SLC6A3: variants seen among roughly 807,000 people sequenced by gnomAD.
SLC6A3 encodes solute carrier family 6 member 3.
SLC6A3 carries 19 observed loss-of-function variants against 70.4 expected under a neutral mutation model. The observed-to-expected ratio is 0.27, with a 90% CI of 0.19 to 0.40. The LOEUF is 0.40. SLC6A3 is among the 10% of genes least tolerant of loss of function. SLC6A3 has a pLI of 1.00. For missense variants in SLC6A3, 613 were observed against 838.5 expected, an observed-to-expected ratio of 0.73 and a Z score of 3.32; for synonymous variants, 368 against 356.6, an observed-to-expected ratio of 1.03 and a Z score of -0.36.
chr5:1,428,897 A>G (rs1370839862), intron 4 of SLC6A3, among the ~76,000 whole-genome samples: 3 of 152,012 alleles, frequency 2.0e-5, no homozygotes, highest in Admixed American at 2.0e-4. Flanking sequence ...TTTCAGATCT[A>G]CTCTTGCTAA....
intron 6 of SLC6A3, 62 bp downstream of exon 6, chr5:1,420,507 A>G: frequency 6.2e-7 from 1 of 1,603,302 alleles, no homozygotes; most frequent in Non-Finnish European, 8.5e-7. Context: ...GGCAATGCAT[A>G]TGGAAACCTG....
At chr5:1,439,831 C>T (rs1292429731) in intron 3 of SLC6A3, among the ~76,000 whole-genome samples, 1 of 152,252 alleles carries the variant, frequency 6.6e-6, no homozygotes, top group African/African-American at 2.4e-5. Context: ...CAAGTGTGAC[C>T]TGCGTGCAGG....
intron 14 of SLC6A3, among the ~76,000 whole-genome samples, chr5:1,399,975 A>C (rs1755806975): frequency 6.6e-6 from 1 of 152,254 alleles, no homozygotes; most frequent in Non-Finnish European, 1.5e-5. Context: ...GCATGAGCTC[A>C]TGAGACCCCT....
intron 4 of SLC6A3, among the ~76,000 whole-genome samples, chr5:1,430,753 G>A (rs959435626): frequency 1.9e-4 from 29 of 152,184 alleles, no homozygotes; most frequent in Admixed American, 9.8e-4. Flanking sequence ...CAAAGTTCTC[G>A]GGGATGATCC....
Position 1,414,778 on chromosome 5 carries a change from TC to T in SLC6A3, c.1068del (p.Ser357AlafsTer33). On this transcript the variant is annotated frameshift_variant, in exon 8 of 15. Coordinates refer to ENST00000270349, the MANE Select transcript of SLC6A3 (RefSeq NM_001044.5). LOFTEE classifies it high-confidence loss of function. The stretch of plus-strand genomic sequence containing the variant: ...AAGACGACGAAGCCGGAGGAGAAGC[TC>T]GTCAGGGAGTTGATGGAGGTGGTGA... ...AIVTTSINSL[T>X]SFSSGFVVFS... 6.2e-7 allele frequency: 1 copy of T among 1,612,854 alleles called. No individual in the cohort carries two copies. The highest frequency in any genetic ancestry group is 8.5e-7 in the Non-Finnish European group (1 of 1,179,860).
chr5:1,423,247 G>T (rs1327045165), intron 4 of SLC6A3, among the ~76,000 whole-genome samples: 1 of 126,120 alleles, frequency 7.9e-6, no homozygotes, highest in Non-Finnish European at 1.7e-5. Context: ...TGCCCATGGT[G>T]CTGGGTACCC....
In SLC6A3 at chr5:1,409,747, G is replaced by A. The variant is rs1419772849; in HGVS notation, c.1372C>T (p.Leu458Phe). The change falls in exon 10 of 15, where the codon CTC becomes TTC. Residue 458 changes from leucine (L) to phenylalanine (F), a missense_variant. Physicochemically the swap from Leu to Phe is conservative, Grantham distance 22. Coordinates refer to ENST00000270349, the MANE Select transcript of SLC6A3 (RefSeq NM_001044.5). ...FTLFIVLATF[L>F]LSLFCVTNGG... is the part of the protein sequence containing the mutation. ...TTGGTGACGCAGAACAGGGACAGGA[G>A]GAAGGTCGCCAGGACGATGAAGAGC... 6.2e-7 allele frequency: 1 copy of A among 1,613,460 alleles called. No individual in the cohort carries two copies. The highest frequency in any genetic ancestry group is 1.3e-5 in the African/African-American group (1 of 75,072).
intron 2 of SLC6A3, 132 bp from the exon 3 acceptor site, chr5:1,441,622 A>T (rs1366936761): frequency 9.5e-7 from 1 of 1,056,010 alleles, no homozygotes; most frequent in Non-Finnish European, 1.4e-6. Flanking sequence ...TCCAACGGGA[A>T]GTCCCAGGCT....
rs1312457471 is a variant in SLC6A3, at chr5:1,401,351, C to T, written c.1768-365G>A. ...GGCTCTGAGTAAGAAAGTGCCCACA[C>T]CCAGGTGGGCTGCCTCGGGGCCACC... On this transcript the variant is annotated intron_variant, in intron 13 of 14. Coordinates refer to ENST00000270349, the MANE Select transcript of SLC6A3 (RefSeq NM_001044.5). This position sits in a 1 kb window ranked among gnomAD's most constrained non-coding sequence, Gnocchi z 6.1. 6.1e-6 allele frequency: 3 copies of T among 492,864 alleles called. No homozygotes were observed. Among genetic ancestry groups the T allele is most frequent in the Non-Finnish European group, 1.2e-5 (3 of 253,674 alleles). The allele number at this position is 492,864 out of a possible 1,614,324, so 30.5% of individuals were successfully genotyped here.
At chr5:1,412,675 G>A (rs900887163) in intron 8 of SLC6A3, among the ~76,000 whole-genome samples, 3 of 152,218 alleles carry the variant, frequency 2.0e-5, no homozygotes, top group Admixed American at 2.0e-4. Context: ...TCCACTGGCT[G>A]GCACCATCTC....
intron 7 of SLC6A3, 105 bp from the exon 8 acceptor site, chr5:1,414,920 G>A (rs1756246608): frequency 6.9e-7 from 1 of 1,450,198 alleles, no homozygotes; most frequent in Non-Finnish European, 9.6e-7. Context: ...GGGGCGGGAG[G>A]TCTTCGGAGG....
intron 3 of SLC6A3, among the ~76,000 whole-genome samples, chr5:1,440,254 T>C (rs1472318144): frequency 6.6e-6 from 1 of 151,938 alleles, no homozygotes; most frequent in East Asian, 1.9e-4. Flanking sequence ...GATGGATGGA[T>C]GGATAGATCC....
chr5:1,421,639 C>A lies in SLC6A3; in HGVS notation c.792+237G>T, dbSNP rs1277447102. 6.6e-6 allele frequency among the ~76,000 whole-genome samples: 1 copy of A among 152,098 alleles called. No individual in the cohort carries two copies. The highest frequency in any genetic ancestry group is 6.5e-5 in the Admixed American group (1 of 15,280). On this transcript the variant is annotated intron_variant, in intron 5 of 14. Coordinates refer to ENST00000270349, the MANE Select transcript of SLC6A3 (RefSeq NM_001044.5). This position sits in a 1 kb window ranked among gnomAD's most constrained non-coding sequence, Gnocchi z 7.2. ...GGCCGCGCGTCTACCCAAGCCAACC[C>A]GGCACAGCCACAGGTGTACCCTCAA...
intron 3 of SLC6A3, among the ~76,000 whole-genome samples, chr5:1,434,514 G>C (rs1446049275): frequency 6.6e-6 from 1 of 152,242 alleles, no homozygotes; most frequent in Admixed American, 6.5e-5. Flanking sequence ...AGCCTGACTG[G>C]TGGGCAGATG....
At chr5:1,399,218 C>T (rs1290673638) in intron 14 of SLC6A3, among the ~76,000 whole-genome samples, 1 of 151,986 alleles carries the variant, frequency 6.6e-6, no homozygotes, top group African/African-American at 2.4e-5. Flanking sequence ...TAAAAGCAGA[C>T]TTTTAAGCAA....
In SLC6A3 at chr5:1,409,017, C is replaced by T. The variant is rs772464125; in HGVS notation, c.1498+9G>A. On this transcript the variant is annotated intron_variant, in intron 11 of 14. Coordinates refer to ENST00000270349, the MANE Select transcript of SLC6A3 (RefSeq NM_001044.5). Reference sequence around the variant, plus strand: ...GGGTGCCGGCTTGGCTGCCTTCCCCCGGACTCACCATAGAACCAGGCCACT... The same window carrying T: ...GGGTGCCGGCTTGGCTGCCTTCCCCTGGACTCACCATAGAACCAGGCCACT... The T allele has an allele frequency of 9.4e-6, 15 of 1,600,016 alleles. No homozygotes were observed. Among genetic ancestry groups the T allele is most frequent in the East Asian group, 6.7e-5 (3 of 44,774 alleles).
At chr5:1,440,828 AC>A (rs1363051377) in intron 3 of SLC6A3, among the ~76,000 whole-genome samples, 1 of 152,208 alleles carries the variant, frequency 6.6e-6, no homozygotes, top group Non-Finnish European at 1.5e-5. Flanking sequence ...TTGATCTTGG[AC>A]TTCCAGCCTC....
At chr5:1,419,502 T>G (rs903122314) in intron 6 of SLC6A3, among the ~76,000 whole-genome samples, 1 of 152,264 alleles carries the variant, frequency 6.6e-6, no homozygotes. Context: ...GCTGGAGCAC[T>G]AGGCTCTACG....
At chr5:1,415,513 C>T (rs1756268685) in intron 7 of SLC6A3, among the ~76,000 whole-genome samples, 1 of 152,208 alleles carries the variant, frequency 6.6e-6, no homozygotes, top group African/African-American at 2.4e-5. Flanking sequence ...CATTCTGCTG[C>T]ACACACTGTC....
Sources: gnomAD v4.1 joint callset for allele counts (sites outside exome capture counted in the v4.1 genomes callset) on GRCh38, gnomAD v4.1.1 for gene constraint, Gnocchi (gnomAD v3.1) non-coding constraint, MANE v1.5 for transcripts, NCBI Gene and HGNC (gene_info 2026-07-23, HGNC 2026-07-21) for gene names.